AOAH: variants seen among roughly 807,000 people sequenced by gnomAD.
AOAH encodes acyloxyacyl hydrolase (neutrophil).
AOAH carries 64 observed loss-of-function variants against 92.2 expected under a neutral mutation model. That is an observed-to-expected ratio of 0.69 (90% confidence interval 0.57 to 0.86). The LOEUF is 0.86. AOAH is among the 40% of genes least tolerant of loss of function. The pLI is 0.00. For synonymous variants in AOAH, 263 were observed against 254.5 expected (o/e 1.03, Z -0.32); for missense variants, 656 against 694.6 (o/e 0.94, Z 0.62).
intron 3 of AOAH, among the ~76,000 whole-genome samples, chr7:36,670,736 A>G (rs7795869): frequency 0.12 from 18,462 of 152,142 alleles, 1,281 homozygotes; most frequent in Middle Eastern, 0.21. Context: ...TGGCCTCCCA[A>G]AGTGCTGAGA....
intron 2 of AOAH, among the ~76,000 whole-genome samples, chr7:36,675,788 C>A (rs1050373142): frequency 1.3e-5 from 2 of 152,098 alleles, no homozygotes; most frequent in East Asian, 1.9e-4. Flanking sequence ...AAATTATACA[C>A]CATGATCAGG....
At chr7:36,630,721 T>TGAGGCTCA (rs569438874) in intron 6 of AOAH, among the ~76,000 whole-genome samples, 1 of 152,192 alleles carries the variant, frequency 6.6e-6, no homozygotes, top group Non-Finnish European at 1.5e-5. Flanking sequence ...ATGGGGAAGC[T>TGAGGCTCA]GAGGCTCAGA....
chr7:36,642,740 A>G (rs1269381922), intron 4 of AOAH, among the ~76,000 whole-genome samples: 1 of 152,254 alleles, frequency 6.6e-6, no homozygotes, highest in East Asian at 1.9e-4. Context: ...AGGAAAAGAA[A>G]GAAAGTACTG....
At position 36,549,425 on chromosome 7, in the gene AOAH, T is replaced by G; in HGVS notation, c.1058+14A>C. The G allele has an allele frequency of 6.3e-7, 1 of 1,585,648 alleles. No individual in the cohort carries two copies. Among genetic ancestry groups the G allele is most frequent in the South Asian group, 1.1e-5 (1 of 88,908 alleles). On this transcript the variant is annotated intron_variant, in intron 14 of 20. Coordinates refer to ENST00000617537, the MANE Select transcript of AOAH (RefSeq NM_001637.4). Reference sequence around the variant, plus strand: ...AGAAACCAAATTAAAAACAACTTCTTATCTTCTGCTTACCTTTCTATAAAT... The same window carrying G: ...AGAAACCAAATTAAAAACAACTTCTGATCTTCTGCTTACCTTTCTATAAAT...
chr7:36,517,041 A>AATATTTACTG (rs1424913785), intron 20 of AOAH, among the ~76,000 whole-genome samples: 1 of 152,184 alleles, frequency 6.6e-6, no homozygotes, highest in Non-Finnish European at 1.5e-5. Flanking sequence ...TCATTTGACA[A>AATATTTACTG]ATATTTACTG....
intron 2 of AOAH, among the ~76,000 whole-genome samples, chr7:36,675,248 C>A (rs1796177000): frequency 6.6e-6 from 1 of 152,184 alleles, no homozygotes; most frequent in African/African-American, 2.4e-5. Context: ...AAGAGTGAAA[C>A]TCCGTCTCAA....
chr7:36,684,286 A>G (rs566939471), intron 2 of AOAH, among the ~76,000 whole-genome samples: 2 of 152,242 alleles, frequency 1.3e-5, no homozygotes, highest in South Asian at 2.1e-4. Context: ...TCAAAAGGAT[A>G]ATAATTGCAC....
chr7:36,696,825 A>C (rs1201978537), intron 1 of AOAH, among the ~76,000 whole-genome samples: 1 of 151,884 alleles, frequency 6.6e-6, no homozygotes, highest in Non-Finnish European at 1.5e-5. Flanking sequence ...AGATCATGCC[A>C]CTGTACTCCA....
In AOAH at chr7:36,632,126, C is replaced by A. The variant is rs778116639; in HGVS notation, c.451-20G>T. ...ATATTTCTGGGGAGAAAAAAAAAAA[C>A]AAAAAGAGAGTTGTTTAGTTTAAGG... is the stretch of plus-strand genomic sequence containing the variant. On this transcript the variant is annotated intron_variant, in intron 5 of 20. Transcript: ENST00000617537. 7 of 1,550,564 alleles carry A rather than the reference C, an allele frequency of 4.5e-6. No homozygotes were observed. Among genetic ancestry groups the A allele is most frequent in the Non-Finnish European group, 6.2e-6 (7 of 1,135,166 alleles).
intron 15 of AOAH, among the ~76,000 whole-genome samples, chr7:36,543,514 G>A (rs2116233447): frequency 6.6e-6 from 1 of 152,100 alleles, no homozygotes; most frequent in South Asian, 2.1e-4. Flanking sequence ...CTGAGCTAAT[G>A]TTCTCCAACC....
chr7:36,538,459 C>T (rs1023259868), intron 16 of AOAH, among the ~76,000 whole-genome samples: 6 of 151,922 alleles, frequency 3.9e-5, no homozygotes, highest in Non-Finnish European at 7.4e-5. Flanking sequence ...CATGGCATAT[C>T]GGAAAGAATT....
Position 36,648,148 on chromosome 7 carries a change from C to T in AOAH, c.391-10238G>A, listed in dbSNP as rs142779333. 4.6e-3 allele frequency among the ~76,000 whole-genome samples: 706 copies of T among 152,190 alleles called. 12 individuals carry two copies. Among genetic ancestry groups the T allele is most frequent in the African/African-American group, 0.016 (671 of 41,534 alleles). The stretch of plus-strand genomic sequence containing the variant: ...CTCAACCTCCCAAGTGCTGGGATTA[C>T]GCCCGGCCCTCTTAGAGTTTTAAGC... On this transcript the variant is annotated intron_variant, in intron 4 of 20. Coordinates refer to ENST00000617537, the MANE Select transcript of AOAH (RefSeq NM_001637.4).
intron 2 of AOAH, among the ~76,000 whole-genome samples, chr7:36,676,535 A>T (rs1021231196): frequency 6.6e-6 from 1 of 152,332 alleles, no homozygotes; most frequent in African/African-American, 2.4e-5. Flanking sequence ...ATTCTTCCCA[A>T]ACTGATCCAC....
At chr7:36,583,963 T>C (rs1789123279) in intron 12 of AOAH, among the ~76,000 whole-genome samples, 4 of 152,182 alleles carry the variant, frequency 2.6e-5, no homozygotes, top group Non-Finnish European at 4.4e-5. Context: ...TAGCAGATGG[T>C]TTTAATGACC....
At chr7:36,677,721 T>G (rs1255551650) in intron 2 of AOAH, among the ~76,000 whole-genome samples, 2 of 152,176 alleles carry the variant, frequency 1.3e-5, no homozygotes, top group East Asian at 3.8e-4. Flanking sequence ...TATCAGCTAA[T>G]AGATCAACAA....
intron 16 of AOAH, among the ~76,000 whole-genome samples, 179 bp downstream of exon 16, chr7:36,540,140 G>A (rs1482021217): frequency 4.1e-5 from 6 of 147,940 alleles, no homozygotes; most frequent in Non-Finnish European, 8.8e-5. Flanking sequence ...GATCTGATTC[G>A]GCTCACCTCT....
intron 13 of AOAH, among the ~76,000 whole-genome samples, chr7:36,554,562 A>G (rs1786542424): frequency 6.6e-6 from 1 of 152,234 alleles, no homozygotes; most frequent in African/African-American, 2.4e-5. Context: ...TGAATCTACA[A>G]ATTGCCTTGG....
chr7:36,537,102 G>A (rs986542771), intron 16 of AOAH, among the ~76,000 whole-genome samples: 1 of 152,020 alleles, frequency 6.6e-6, no homozygotes, highest in African/African-American at 2.4e-5. Flanking sequence ...TTCTAGGAAA[G>A]ACCCTGATGC....
In AOAH at chr7:36,704,178, C is replaced by T. The variant is rs368876545; in HGVS notation, c.128-17384G>A. 1.1e-3 allele frequency among the ~76,000 whole-genome samples: 167 copies of T among 152,022 alleles called. 1 individual carries two copies. In the South Asian group the frequency reaches 0.018, roughly 16 times the overall value. On this transcript the variant is annotated intron_variant, in intron 1 of 20. Transcript: ENST00000617537. ...TTGAAAAGTGTCTGTTCACATCCTT[C>T]GCCCACTTTTTGATGGGGTTGTTTG...
Sources: allele counts gnomAD v4.1 joint callset (sites outside exome capture counted in the v4.1 genomes callset), GRCh38; gene constraint gnomAD v4.1.1; transcripts MANE v1.5; gene names NCBI Gene and HGNC (gene_info 2026-07-23, HGNC 2026-07-21).